The following SH3BGRL2 variants were observed in gnomAD, a reference collection of about 807,000 sequenced individuals.
SH3BGRL2 encodes the protein SH3 domain-binding glutamic acid-rich-like protein 2.
Under a neutral mutation model 14.8 loss-of-function variants are expected in SH3BGRL2, and 21 were observed. The observed-to-expected ratio is 1.42, with a 90% CI of 1.01 to 2.05. The LOEUF (loss-of-function observed/expected upper bound fraction) is 2.05. Ranked by LOEUF, SH3BGRL2 falls within the 30% of genes most tolerant of loss-of-function variation. The pLI, the probability that SH3BGRL2 is intolerant of heterozygous loss-of-function variation, is 0.00. For missense variants in SH3BGRL2, 147 were observed against 130.8 expected, an observed-to-expected ratio of 1.12 and a Z score of -0.61; for synonymous variants, 50 against 47.8, an observed-to-expected ratio of 1.05 and a Z score of -0.19.
At chr6:79,687,953 G>C (rs1395425377) in intron 2 of SH3BGRL2, among the ~76,000 whole-genome samples, 1 of 152,100 alleles carries the variant, frequency 6.6e-6, no homozygotes, top group Non-Finnish European at 1.5e-5. Flanking sequence ...TGGCTGCTGT[G>C]AGCTTTCCTA....
chr6:79,601,997 C>A, the SH3BGRL2 span, among the ~76,000 whole-genome samples: 1 of 152,160 alleles, frequency 6.6e-6, no homozygotes, highest in African/African-American at 2.4e-5. Context: ...AGCTTTAGCT[C>A]TGAGCTTCCT....
At chr6:79,642,277 ATAT>A (rs1769048520) in intron 1 of SH3BGRL2, among the ~76,000 whole-genome samples, 1 of 152,224 alleles carries the variant, frequency 6.6e-6, no homozygotes, top group African/African-American at 2.4e-5. Context: ...GTTGTATTAG[ATAT>A]TATAAATAAT....
the SH3BGRL2 span, among the ~76,000 whole-genome samples, chr6:79,545,147 G>A: frequency 6.6e-6 from 1 of 152,144 alleles, no homozygotes. Flanking sequence ...CTGAACTTCT[G>A]ACTCATCATC....
the SH3BGRL2 span, among the ~76,000 whole-genome samples, chr6:79,568,454 C>G: frequency 6.6e-6 from 1 of 152,026 alleles, no homozygotes; most frequent in Non-Finnish European, 1.5e-5. Flanking sequence ...AGACATAATG[C>G]TGATGAAAAT....
intron 1 of SH3BGRL2, among the ~76,000 whole-genome samples, chr6:79,673,341 G>A (rs1222533268): frequency 6.6e-6 from 1 of 152,038 alleles, no homozygotes; most frequent in Non-Finnish European, 1.5e-5. Context: ...TTGGGAGGCC[G>A]AGGTGGGTAG....
intron 2 of SH3BGRL2, among the ~76,000 whole-genome samples, chr6:79,680,778 T>TACACTGAAACC (rs1769974139): frequency 1.3e-5 from 2 of 152,158 alleles, no homozygotes; most frequent in Non-Finnish European, 2.9e-5. Flanking sequence ...GTACAAGTCT[T>TACACTGAAACC]TTACCACTTG....
intron 1 of SH3BGRL2, among the ~76,000 whole-genome samples, chr6:79,644,712 T>A (rs1433784046): frequency 6.6e-6 from 1 of 152,140 alleles, no homozygotes; most frequent in African/African-American, 2.4e-5. Context: ...AAAATCTACT[T>A]GTAAAGTTGT....
chr6:79,643,788 C>G (rs1769077543), intron 1 of SH3BGRL2, among the ~76,000 whole-genome samples: 1 of 152,082 alleles, frequency 6.6e-6, no homozygotes, highest in Admixed American at 6.6e-5. Context: ...TAGATATGTC[C>G]CAGAGGAAGA....
intron 2 of SH3BGRL2, among the ~76,000 whole-genome samples, chr6:79,686,879 G>A (rs1167499617): frequency 2.6e-5 from 4 of 152,246 alleles, no homozygotes; most frequent in South Asian, 4.1e-4. Context: ...TCAGGTGCCC[G>A]TGAAAGAGCC....
At chr6:79,571,515 A>G in the SH3BGRL2 span, among the ~76,000 whole-genome samples, 1 of 152,194 alleles carries the variant, frequency 6.6e-6, no homozygotes, top group African/African-American at 2.4e-5. Context: ...ATTGGCAAAT[A>G]GAAATTGTAT....
the SH3BGRL2 span, among the ~76,000 whole-genome samples, chr6:79,588,214 A>ATCACTTCAT: frequency 6.7e-6 from 1 of 149,402 alleles, no homozygotes; most frequent in East Asian, 2.1e-4. Flanking sequence ...AATCACTTCA[A>ATCACTTCAT]CCCAGGAGGC....
the SH3BGRL2 span, among the ~76,000 whole-genome samples, chr6:79,593,709 G>A: frequency 6.6e-6 from 1 of 152,138 alleles, no homozygotes; most frequent in East Asian, 1.9e-4. Flanking sequence ...TGTGTGTTCT[G>A]AAAAACCTCA....
intron 2 of SH3BGRL2, among the ~76,000 whole-genome samples, chr6:79,682,846 A>G (rs989047822): frequency 3.9e-5 from 6 of 152,256 alleles, no homozygotes; most frequent in East Asian, 1.9e-4. Flanking sequence ...TGTGGCACAT[A>G]TACACCATGG....
chr6:79,596,528 C>G, the SH3BGRL2 span, among the ~76,000 whole-genome samples: 1 of 152,174 alleles, frequency 6.6e-6, no homozygotes, highest in Non-Finnish European at 1.5e-5. Context: ...CTCCTGGGCT[C>G]AAGCAATCCT....
chr6:79,614,246 C>G, the SH3BGRL2 span, among the ~76,000 whole-genome samples: 1 of 152,190 alleles, frequency 6.6e-6, no homozygotes, highest in Non-Finnish European at 1.5e-5. Context: ...TCTCGTTTCA[C>G]TGCCTCAGGA....
the SH3BGRL2 span, among the ~76,000 whole-genome samples, chr6:79,615,858 G>GT: frequency 4.6e-5 from 5 of 108,976 alleles, no homozygotes; most frequent in Non-Finnish European, 9.2e-5. Context: ...TTAGACAAGA[G>GT]TTTTGCTATT....
chr6:79,561,517 C>T, the SH3BGRL2 span: 5 of 152,260 alleles, frequency 3.3e-5, no homozygotes, highest in East Asian at 9.7e-4. Flanking sequence ...AAATTCCAAA[C>T]ATCTTGGGGC....
rs545685634 is a variant in SH3BGRL2 at position 79,644,741 on chromosome 6, C to T, written c.45+13235C>T. ...AAGTTGTTGAAGCTTAATGAAATTG[C>T]AGCCATTATTATTATTGAGTGTCAT... On this transcript the variant is annotated intron_variant, in intron 1 of 3. Transcript: ENST00000369838. Among the ~76,000 whole-genome samples the T allele has an allele frequency of 2.0e-5, 3 of 152,196 alleles. No homozygotes were observed. In the South Asian group the frequency reaches 6.2e-4, roughly 32 times the overall value.
intron 1 of SH3BGRL2, among the ~76,000 whole-genome samples, chr6:79,664,745 T>G (rs920840672): frequency 1.3e-5 from 2 of 152,230 alleles, no homozygotes; most frequent in African/African-American, 4.8e-5. Flanking sequence ...GTCAATTAGC[T>G]ATTCCAGGAA....
Sources: allele counts gnomAD v4.1 joint callset (sites outside exome capture counted in the v4.1 genomes callset), GRCh38; gene constraint gnomAD v4.1.1; transcripts MANE v1.5; gene names NCBI Gene and HGNC (gene_info 2026-07-23, HGNC 2026-07-21).